SEL1L3: variants seen among roughly 807,000 people sequenced by gnomAD.
SEL1L3 encodes the protein SEL1L family member 3, also known as protein sel-1 homolog 3.
SEL1L3 carries 76 observed loss-of-function variants against 142.8 expected under a neutral mutation model. The observed-to-expected ratio is 0.53, with a 90% CI of 0.44 to 0.64. The LOEUF (loss-of-function observed/expected upper bound fraction) is 0.64. SEL1L3 is among the 30% of genes least tolerant of loss of function. The pLI is 0.00. For synonymous variants in SEL1L3, 504 were observed against 519.6 expected (o/e 0.97, Z 0.41); for missense variants, 1,262 against 1,381.7 (o/e 0.91, Z 1.37).
rs533162400 is a variant in SEL1L3 at position 25,756,241 on chromosome 4, G to A, written c.3259+1293C>T. The A allele has an allele frequency of 4.2e-5, 41 of 985,284 alleles. No homozygotes were observed. The African/African-American group carries it at 6.6e-4, about 16-fold the overall frequency. The allele number at this position is 985,284 out of a possible 1,614,324, so 61.0% of individuals were successfully genotyped here. A position where few individuals can be genotyped will look rare whatever the true frequency, so the allele number is the denominator to read the frequency against. The stretch of plus-strand genomic sequence containing the variant: ...TTATTATACCCTTTTGTAGCCGTCC[G>A]AGATGGTAAAAAATCAGTTTTCTTG... On this transcript the variant is annotated intron_variant, in intron 23 of 23. Coordinates refer to ENST00000399878, the MANE Select transcript of SEL1L3 (RefSeq NM_015187.5).
At chr4:25,743,217 A>C (rs774205122), downstream of SEL1L3, among the ~76,000 whole-genome samples, 14 of 152,244 alleles carry the variant, frequency 9.2e-5, no homozygotes, top group Non-Finnish European at 1.5e-4. Flanking sequence ...TTACAATGTT[A>C]GCAATTAATT....
At chr4:25,726,356 C>T in the SEL1L3 span, among the ~76,000 whole-genome samples, 2 of 151,788 alleles carry the variant, frequency 1.3e-5, no homozygotes, top group Non-Finnish European at 1.5e-5. Flanking sequence ...GGTGAAACCC[C>T]GTCTCTACTA....
At chr4:25,724,823 G>A in the SEL1L3 span, among the ~76,000 whole-genome samples, 1 of 150,288 alleles carries the variant, frequency 6.7e-6, no homozygotes. Flanking sequence ...TCCTCTGGTA[G>A]TTATAACAGT....
chr4:25,748,000 C>T lies in SEL1L3; in HGVS notation c.*425G>A, dbSNP rs7665302. On this transcript the variant is annotated 3_prime_UTR_variant, in exon 24 of 24. Transcript: ENST00000399878. ...AACAGGGCTGTGGCAAGCACAGGTACCAAAATATTATCCACCTTGTAGAGT... is the reference window on the plus strand; with the variant it reads ...AACAGGGCTGTGGCAAGCACAGGTATCAAAATATTATCCACCTTGTAGAGT... The T allele has an allele frequency of 2.5e-3, 385 of 156,728 alleles. 3 individuals carry two copies. Among genetic ancestry groups the T allele is most frequent in the African/African-American group, 8.8e-3 (365 of 41,626 alleles). 9.7% of individuals were successfully genotyped at this position (156,728 alleles called of 1,614,324 possible).
intron 20 of SEL1L3, among the ~76,000 whole-genome samples, chr4:25,760,475 G>T (rs1400298788): frequency 1.3e-5 from 2 of 152,120 alleles, no homozygotes; most frequent in Admixed American, 1.3e-4. Context: ...TTGCTACACT[G>T]CTTTCCACAA....
chr4:25,834,418 T>C lies in SEL1L3; in HGVS notation c.860+779A>G, dbSNP rs1186241797. 2.0e-5 allele frequency among the ~76,000 whole-genome samples: 3 copies of C among 152,248 alleles called. No homozygotes were observed. The South Asian group carries it at 6.2e-4, about 31-fold the overall frequency. ...ATGGATCAAGGTCAAAATGAATGCA[T>C]TGATTTCTCTTCATTTACCCCAGTA... On this transcript the variant is annotated intron_variant, in intron 3 of 23. Transcript: ENST00000399878.
At chr4:25,722,296 G>A in the SEL1L3 span, among the ~76,000 whole-genome samples, 1 of 152,240 alleles carries the variant, frequency 6.6e-6, no homozygotes, top group East Asian at 1.9e-4. Context: ...GAAAGAGGAC[G>A]TTACCTTCAC....
In SEL1L3 at chr4:25,754,198, A is replaced by C. The variant is rs909904740; in HGVS notation, c.3259+3336T>G. Among the ~76,000 whole-genome samples the C allele has an allele frequency of 2.0e-5, 3 of 151,390 alleles. No individual in the cohort carries two copies. In the South Asian group the frequency reaches 6.3e-4, roughly 32 times the overall value. On this transcript the variant is annotated intron_variant, in intron 23 of 23. Transcript: ENST00000399878. ...ATGCCTGTATTCCCAGCTACTCGGG[A>C]GGCTGAGGCAGAAGAATCACTTGAA...
At chr4:25,751,283 G>C (rs954891539) in intron 23 of SEL1L3, among the ~76,000 whole-genome samples, 6 of 152,224 alleles carry the variant, frequency 3.9e-5, no homozygotes, top group African/African-American at 1.4e-4. Flanking sequence ...GAGGAAAGGA[G>C]CTTTTTGGAG....
intron 1 of SEL1L3, 135 bp downstream of exon 1, chr4:25,862,539 CG>C: frequency 2.3e-6 from 1 of 429,516 alleles, no homozygotes; most frequent in East Asian, 4.3e-5. Context: ...CGGGAACGCC[CG>C]GGGCGCAGCG....
chr4:25,843,097 CCT>C (rs951541313), intron 2 of SEL1L3, among the ~76,000 whole-genome samples: 31 of 152,086 alleles, frequency 2.0e-4, no homozygotes, highest in African/African-American at 7.5e-4. Context: ...CAAGCGGGCC[CCT>C]GTGGCTGGAA....
intron 11 of SEL1L3, among the ~76,000 whole-genome samples, chr4:25,792,680 T>C (rs757978310): frequency 1.3e-5 from 2 of 152,180 alleles, no homozygotes; most frequent in Non-Finnish European, 2.9e-5. Context: ...TAAAAAAGAA[T>C]GGCTAAAAGG....
chr4:25,850,097 T>C (rs9993015), intron 1 of SEL1L3, among the ~76,000 whole-genome samples: 14,686 of 152,138 alleles, frequency 0.097, 2,408 homozygotes, highest in African/African-American at 0.33. Flanking sequence ...ACTTGGGGAA[T>C]AGCAAGCAGC....
the SEL1L3 span, chr4:25,718,259 A>G: frequency 6.6e-6 from 1 of 152,184 alleles, no homozygotes; most frequent in Non-Finnish European, 1.5e-5. Context: ...TAATTAGTAT[A>G]TTAAGTCCTA....
At chr4:25,799,851 G>A (rs1003522894) in intron 11 of SEL1L3, among the ~76,000 whole-genome samples, 12 of 152,140 alleles carry the variant, frequency 7.9e-5, no homozygotes, top group South Asian at 2.1e-4. Context: ...TATCATATGC[G>A]GAGTGCAGCT....
intron 1 of SEL1L3, among the ~76,000 whole-genome samples, chr4:25,859,965 G>A (rs144119386): frequency 0.012 from 1,847 of 152,222 alleles, 13 homozygotes; most frequent in Non-Finnish European, 0.014. Context: ...CCCGTACATC[G>A]ATGAAGAATG....
chr4:25,806,174 G>C (rs1399426417), intron 9 of SEL1L3, among the ~76,000 whole-genome samples: 3 of 151,732 alleles, frequency 2.0e-5, no homozygotes, highest in South Asian at 2.1e-4. Context: ...GAGTAGCTGG[G>C]ACTACAGGCG....
intron 9 of SEL1L3, among the ~76,000 whole-genome samples, chr4:25,810,122 A>G (rs893216039): frequency 1.3e-5 from 2 of 152,222 alleles, no homozygotes; most frequent in Non-Finnish European, 2.9e-5. Flanking sequence ...CCCATCCCAG[A>G]GAACCATTTG....
chr4:25,793,265 T>C (rs1340282089), intron 11 of SEL1L3, among the ~76,000 whole-genome samples: 1 of 152,104 alleles, frequency 6.6e-6, no homozygotes, highest in Non-Finnish European at 1.5e-5. Flanking sequence ...ACGTAAATGG[T>C]GACTGTGAAG....
Sources: gnomAD v4.1 joint callset for allele counts (sites outside exome capture counted in the v4.1 genomes callset) on GRCh38, gnomAD v4.1.1 for gene constraint, MANE v1.5 for transcripts, NCBI Gene and HGNC (gene_info 2026-07-23, HGNC 2026-07-21) for gene names.